HEXA: variants seen among roughly 807,000 people sequenced by gnomAD.
HEXA encodes hexosaminidase subunit alpha.
Under a neutral mutation model 73.3 loss-of-function variants are expected in HEXA, and 54 were observed. The ratio of observed to expected loss-of-function variants is 0.74; its 90% confidence interval spans 0.59 to 0.92. The LOEUF is 0.92. Ranked by LOEUF, HEXA falls within the 40% of genes least tolerant of loss-of-function variation. The pLI, the probability that HEXA is intolerant of heterozygous loss-of-function variation, is 0.00. For synonymous variants in HEXA, 230 were observed against 246.9 expected (o/e 0.93, Z 0.64); for missense variants, 649 against 653.0 (o/e 0.99, Z 0.07).
In HEXA at chr15:72,351,211, C is replaced by T; in HGVS notation, c.594G>A (p.Leu198=). Residue 198 remains leucine (L), a synonymous_variant, in exon 6 of 14, where the codon TTG becomes TTA. Coordinates refer to ENST00000268097, the MANE Select transcript of HEXA (RefSeq NM_000520.6). The stretch of plus-strand genomic sequence containing the variant: ...CTACCAGATGCCAGTGGAACACGTT[C>T]AATTTATTGTACGCCATGACATCCT... ...DTLDVMAYNK[L]NVFHWHLVDD... 6.2e-7 allele frequency: 1 copy of T among 1,611,498 alleles called. No individual in the cohort carries two copies. Among genetic ancestry groups the T allele is most frequent in the South Asian group, 1.1e-5 (1 of 91,018 alleles).
At chr15:72,374,688 T>C (rs1324081754) in intron 1 of HEXA, among the ~76,000 whole-genome samples, 5 of 152,238 alleles carry the variant, frequency 3.3e-5, no homozygotes, top group Non-Finnish European at 2.9e-5. Context: ...CTTTACATTG[T>C]TGGCTCGACT....
At chr15:72,353,355 A>G (rs796165682) in intron 4 of HEXA, among the ~76,000 whole-genome samples, 177 bp from the exon 5 acceptor site, 6 of 152,312 alleles carry the variant, frequency 3.9e-5, no homozygotes, top group African/African-American at 1.4e-4. Flanking sequence ...CCACCTTCCC[A>G]GAGAGCAATT....
rs1182912801 is a variant in HEXA, at chr15:72,361,040, A to C, written c.254-4423T>G. 3.3e-5 allele frequency among the ~76,000 whole-genome samples: 5 copies of C among 152,214 alleles called. No homozygotes were observed. In the South Asian group the frequency reaches 1.0e-3, roughly 32 times the overall value. On this transcript the variant is annotated intron_variant, in intron 1 of 13. Transcript: ENST00000268097. ...CACTTCTCTCAAAATGGCTTCACCA[A>C]AGTCCTGTGGTTCTGTAACCAAATT...
At chr15:72,348,717 G>T (rs1245592764) in intron 8 of HEXA, among the ~76,000 whole-genome samples, 18 of 152,192 alleles carry the variant, frequency 1.2e-4, no homozygotes, top group Non-Finnish European at 2.9e-5. Flanking sequence ...ATTAGACATT[G>T]TCACCTATTA....
intron 1 of HEXA, among the ~76,000 whole-genome samples, chr15:72,367,407 ACCT>A (rs2088931813): frequency 6.6e-6 from 1 of 152,018 alleles, no homozygotes; most frequent in Non-Finnish European, 1.5e-5. Flanking sequence ...CCAAGCAGCC[ACCT>A]CCTAAATCTC....
At chr15:72,370,272 G>C (rs964135592) in intron 1 of HEXA, 7 of 197,106 alleles carry the variant, frequency 3.6e-5, no homozygotes, top group Non-Finnish European at 7.2e-5. Context: ...ATCCAAAGCA[G>C]GGGAACACCT....
rs145247513 is a variant in HEXA at position 72,346,864 on chromosome 15, C to T, written c.1147-154G>A. 5,268 of 763,494 alleles carry T rather than the reference C, an allele frequency of 6.9e-3. 199 individuals carry two copies. In the Admixed American group the frequency reaches 0.074, roughly 11 times the overall value. 47.3% of individuals were successfully genotyped at this position (763,494 alleles called of 1,614,324 possible). ...GTGACTCCTGACCATTGAGCTCACA[C>T]CTCAGGACAGAGGCCAAGGAATCCA... On this transcript the variant is annotated intron_variant, in intron 10 of 13. Coordinates refer to ENST00000268097, the MANE Select transcript of HEXA (RefSeq NM_000520.6).
At chr15:72,371,003 T>C (rs2088984486) in intron 1 of HEXA, among the ~76,000 whole-genome samples, 2 of 152,202 alleles carry the variant, frequency 1.3e-5, no homozygotes, top group African/African-American at 4.8e-5. Context: ...ATAAACTTAG[T>C]GGCAATCATC....
In HEXA at chr15:72,364,668, T is replaced by C. The variant is rs578154216; in HGVS notation, c.254-8051A>G. On this transcript the variant is annotated intron_variant, in intron 1 of 13. Coordinates refer to ENST00000268097, the MANE Select transcript of HEXA (RefSeq NM_000520.6). ...TCCTCTTCCAAGTTACTGTACTGAC[T>C]TACACCCAAATCCACATATATGGGC... Among the ~76,000 whole-genome samples the C allele has an allele frequency of 1.2e-4, 19 of 152,246 alleles. No individual in the cohort carries two copies. The South Asian group carries it at 2.9e-3, about 23-fold the overall frequency.
Position 72,343,827 on chromosome 15 carries a change from G to T in HEXA, c.*250C>A. 2.2e-6 allele frequency: 1 copy of T among 454,122 alleles called. No individual in the cohort carries two copies. Among genetic ancestry groups the T allele is most frequent in the South Asian group, 2.1e-5 (1 of 48,442 alleles). The allele number at this position is 454,122 out of a possible 1,614,324, so 28.1% of individuals were successfully genotyped here. Reference sequence around the variant, plus strand: ...AGGGGCAGACACTGACTCCAGCCTGGCTGTGCCCTTACCCTAACGCCATTC... The same window carrying T: ...AGGGGCAGACACTGACTCCAGCCTGTCTGTGCCCTTACCCTAACGCCATTC... On this transcript the variant is annotated 3_prime_UTR_variant, in exon 14 of 14. Coordinates refer to ENST00000268097, the MANE Select transcript of HEXA (RefSeq NM_000520.6).
At chr15:72,345,757 C>T in intron 12 of HEXA, 1 of 663,924 alleles carries the variant, frequency 1.5e-6, no homozygotes, top group Non-Finnish European at 2.6e-6. Flanking sequence ...ATGTGGGTAG[C>T]AATCCCACTC....
At chr15:72,351,046 G>T in intron 6 of HEXA, 87 bp downstream of exon 6, 1 of 882,708 alleles carries the variant, frequency 1.1e-6, no homozygotes, top group Non-Finnish European at 1.9e-6. Context: ...GGCTGGTTAG[G>T]ATGAGAGACC....
chr15:72,363,933 A>G (rs962154649), intron 1 of HEXA, among the ~76,000 whole-genome samples: 8 of 152,260 alleles, frequency 5.3e-5, no homozygotes, highest in South Asian at 4.1e-4. Flanking sequence ...ATTTTTTTGT[A>G]AATACATAAA....
chr15:72,352,592 C>T (rs772557250), intron 5 of HEXA, among the ~76,000 whole-genome samples: 2 of 151,930 alleles, frequency 1.3e-5, no homozygotes, highest in African/African-American at 2.4e-5. Flanking sequence ...ATTTAAGTCA[C>T]TCTGTTATTT....
intron 12 of HEXA, 106 bp from the exon 13 acceptor site, chr15:72,345,656 G>C: frequency 6.5e-7 from 1 of 1,546,280 alleles, no homozygotes; most frequent in Non-Finnish European, 8.7e-7. Context: ...ACTCACTCAG[G>C]CCAAAGGAAG....
At chr15:72,346,375 G>T (rs1248516387) in intron 11 of HEXA, 50 bp from the exon 12 acceptor site, 2 of 1,544,396 alleles carry the variant, frequency 1.3e-6, no homozygotes, top group South Asian at 2.2e-5. Flanking sequence ...GTAACTCCAG[G>T]GTCCCTCTCA....
intron 1 of HEXA, among the ~76,000 whole-genome samples, chr15:72,368,145 A>C (rs1202764144): frequency 6.6e-6 from 1 of 152,212 alleles, no homozygotes; most frequent in Non-Finnish European, 1.5e-5. Flanking sequence ...ATGCTACTGG[A>C]ATCTGGTAAC....
chr15:72,373,183 A>G (rs1011520589), intron 1 of HEXA, among the ~76,000 whole-genome samples: 7 of 152,208 alleles, frequency 4.6e-5, no homozygotes, highest in Non-Finnish European at 8.8e-5. Context: ...GAGCCTACAA[A>G]TAAGTTGTTT....
intron 7 of HEXA, 133 bp from the exon 8 acceptor site, chr15:72,349,392 C>T (rs535185906): frequency 1.3e-6 from 1 of 743,038 alleles, no homozygotes; most frequent in South Asian, 1.5e-5. Context: ...TAGGTAGGCA[C>T]ACTTAGGCAC....
Sources: allele counts gnomAD v4.1 joint callset (sites outside exome capture counted in the v4.1 genomes callset), GRCh38; gene constraint gnomAD v4.1.1; transcripts MANE v1.5; gene names NCBI Gene and HGNC (gene_info 2026-07-23, HGNC 2026-07-21).